The following HELZ variants were observed in gnomAD, a reference collection of about 807,000 sequenced individuals.
HELZ encodes ATP-dependent RNA helicase with zinc finger domain.
In HELZ, 23 loss-of-function variants were observed where a neutral mutation model predicts 218.2. The observed-to-expected ratio is 0.11, with a 90% CI of 0.08 to 0.15. The LOEUF is 0.15. Among genes scored for constraint, HELZ ranks in the 10% least tolerant of loss-of-function variants. The pLI is 1.00. For missense variants in HELZ, 1,813 were observed against 2,353.7 expected (o/e 0.77, Z 4.75); for synonymous variants, 814 against 829.4 (o/e 0.98, Z 0.32).
At chr17:67,214,670 A>G (rs952329653) in intron 5 of HELZ, among the ~76,000 whole-genome samples, 4 of 152,182 alleles carry the variant, frequency 2.6e-5, no homozygotes, top group Admixed American at 1.3e-4. Context: ...TGGATGAACA[A>G]AACACTGTAT....
chr17:67,089,696 GA>G (rs2036516601), intron 31 of HELZ, among the ~76,000 whole-genome samples: 2 of 122,676 alleles, frequency 1.6e-5, no homozygotes. Flanking sequence ...GAGAGAGAGA[GA>G]GAGACAGAGA....
chr17:67,159,442 A>T (rs890059616), intron 17 of HELZ, among the ~76,000 whole-genome samples: 1 of 152,158 alleles, frequency 6.6e-6, no homozygotes, highest in Admixed American at 6.5e-5. Flanking sequence ...GCTTGAGCTC[A>T]AGTAGAAATA....
In HELZ at chr17:67,108,289, T is replaced by C; in HGVS notation, c.4724+203A>G. Reference sequence around the variant, plus strand: ...TTTCCAACCCATAGTAGATCATCCATGCCTAAATTTGTAGAAGAGTTACTT... The same window carrying C: ...TTTCCAACCCATAGTAGATCATCCACGCCTAAATTTGTAGAAGAGTTACTT... On this transcript the variant is annotated intron_variant, in intron 30 of 32. Coordinates refer to ENST00000358691, the MANE Select transcript of HELZ (RefSeq NM_014877.4). This position sits in a 1 kb window ranked among gnomAD's most constrained non-coding sequence, Gnocchi z 4.1. 1.8e-6 allele frequency: 1 copy of C among 544,984 alleles called. No homozygotes were observed. The highest frequency in any genetic ancestry group is 3.3e-6 in the Non-Finnish European group (1 of 304,670). The allele number at this position is 544,984 out of a possible 1,614,324, so 33.8% of individuals were successfully genotyped here. A position where few individuals can be genotyped will look rare whatever the true frequency, so the allele number is the denominator to read the frequency against.
At chr17:67,237,624 A>C (rs2041218403) in intron 3 of HELZ, among the ~76,000 whole-genome samples, 1 of 152,222 alleles carries the variant, frequency 6.6e-6, no homozygotes, top group Non-Finnish European at 1.5e-5. Context: ...AGATGAGTAA[A>C]AAAATAGCTG....
chr17:67,082,860 G>GTT (rs1181656722), intron 32 of HELZ, among the ~76,000 whole-genome samples: 60 of 122,162 alleles, frequency 4.9e-4, no homozygotes, highest in Non-Finnish European at 6.7e-4. Context: ...TTTTTTTTTT[G>GTT]TTTTTTTTTT....
At chr17:67,087,150 C>T (rs1411248516) in intron 31 of HELZ, 69 bp from the exon 32 acceptor site, 2 of 1,402,038 alleles carry the variant, frequency 1.4e-6, no homozygotes, top group Non-Finnish European at 2.0e-6. Flanking sequence ...CTTTTCACTC[C>T]ATAGCAATAT....
intron 8 of HELZ, among the ~76,000 whole-genome samples, chr17:67,195,198 C>G (rs1317862959): frequency 2.0e-5 from 3 of 152,122 alleles, no homozygotes; most frequent in Non-Finnish European, 2.9e-5. Context: ...ACTAAATGAC[C>G]TCTGAAGTTA....
intron 13 of HELZ, among the ~76,000 whole-genome samples, chr17:67,173,698 C>T (rs988824025): frequency 1.3e-5 from 2 of 152,166 alleles, no homozygotes; most frequent in African/African-American, 4.8e-5. Flanking sequence ...CAGCACCCAT[C>T]TAATGATGAA....
Position 67,082,504 on chromosome 17 carries a change from G to A in HELZ, c.5495-3918C>T, listed in dbSNP as rs546173681. Among the ~76,000 whole-genome samples, 126 of 152,108 alleles carry A rather than the reference G, an allele frequency of 8.3e-4. 1 individual carries two copies. The Middle Eastern group carries it at 0.01, about 12-fold the overall frequency. On this transcript the variant is annotated intron_variant, in intron 32 of 32. Transcript: ENST00000358691. ...AATTCAGAAGGTGAAAATATTTCACGTTTTAGCTTTAGTATTTTATTTATT... is the reference window on the plus strand; with the variant it reads ...AATTCAGAAGGTGAAAATATTTCACATTTTAGCTTTAGTATTTTATTTATT...
At chr17:67,245,324 G>T, upstream of HELZ, 2 of 760,478 alleles carry the variant, frequency 2.6e-6, no homozygotes, top group South Asian at 1.2e-4. Context: ...GTGGACTGCC[G>T]ACCCCGGCGC....
At chr17:67,162,734 ATTT>A (rs11396536) in intron 15 of HELZ, among the ~76,000 whole-genome samples, 1 of 146,174 alleles carries the variant, frequency 6.8e-6, no homozygotes. Flanking sequence ...CTTATTGTTA[ATTT>A]TTTTTTTTTT....
chr17:67,119,098 T>G (rs1016360751), intron 27 of HELZ, among the ~76,000 whole-genome samples: 1 of 152,174 alleles, frequency 6.6e-6, no homozygotes, highest in Non-Finnish European at 1.5e-5. Context: ...TGAAAAATAA[T>G]ATGGCAGTTT....
At chr17:67,122,286 C>T (rs1329893657) in intron 26 of HELZ, among the ~76,000 whole-genome samples, 1 of 152,106 alleles carries the variant, frequency 6.6e-6, no homozygotes, top group African/African-American at 2.4e-5. Context: ...TGGCTCACAC[C>T]TGTAATCCCA....
intron 5 of HELZ, among the ~76,000 whole-genome samples, chr17:67,205,775 C>T (rs2040280709): frequency 6.6e-6 from 1 of 152,170 alleles, no homozygotes; most frequent in Admixed American, 6.5e-5. Context: ...TTTCATTTTG[C>T]AAGTTTCTTC....
chr17:67,124,200 C>T (rs1457757256), intron 24 of HELZ, among the ~76,000 whole-genome samples, 186 bp from the exon 25 acceptor site: 2 of 152,080 alleles, frequency 1.3e-5, no homozygotes, highest in African/African-American at 4.8e-5. Flanking sequence ...TATGTCACAG[C>T]CATCTCAAAT....
At position 67,160,997 on chromosome 17, in the gene HELZ, T is replaced by A. The variant is rs545323752; in HGVS notation, c.1975A>T (p.Ile659Phe). 6.2e-7 allele frequency: 1 copy of A among 1,613,844 alleles called. No homozygotes were observed. Among genetic ancestry groups the A allele is most frequent in the African/African-American group, 1.3e-5 (1 of 74,914 alleles). The change falls in exon 16 of 33, where the codon ATC becomes TTC. Residue 659 changes from isoleucine to phenylalanine, a missense_variant. This residue lies in a region of HELZ where 714 missense variants were observed against 1,029.2 expected (regional missense o/e 0.69). Transcript: ENST00000358691. ...ATGATAAGCACAGGCGGCAGCTGGA[T>A]TGCAAGTGGAGTGGTAATGGCCAGA... ...AVLAITTPLA[I>F]QLPPVLIIGP...
intron 3 of HELZ, among the ~76,000 whole-genome samples, chr17:67,229,802 T>A (rs571831063): frequency 1.2e-3 from 186 of 152,346 alleles, no homozygotes; most frequent in Middle Eastern, 3.4e-3. Flanking sequence ...TTTTACTCAT[T>A]GTACTGTACT....
At chr17:67,090,023 A>G in intron 31 of HELZ, among the ~76,000 whole-genome samples, 1 of 152,054 alleles carries the variant, frequency 6.6e-6, no homozygotes, top group Non-Finnish European at 1.5e-5. Context: ...TCTCACCATT[A>G]AGTATGATGG....
At chr17:67,115,014 G>A (rs942713325) in intron 27 of HELZ, among the ~76,000 whole-genome samples, 3 of 152,144 alleles carry the variant, frequency 2.0e-5, no homozygotes, top group Non-Finnish European at 4.4e-5. Context: ...TTAACCACTG[G>A]ATAGTTTAAG....
Sources: gnomAD v4.1 joint callset for allele counts (sites outside exome capture counted in the v4.1 genomes callset) on GRCh38, gnomAD v4.1.1 for gene constraint, gnomAD v4.1.1 regional missense constraint, Gnocchi (gnomAD v3.1) non-coding constraint, MANE v1.5 for transcripts, NCBI Gene and HGNC (gene_info 2026-07-23, HGNC 2026-07-21) for gene names.